The following THSD7B variants were observed in gnomAD, a reference collection of about 807,000 sequenced individuals.
THSD7B encodes thrombospondin type-1 domain-containing protein 7B.
THSD7B carries 138 observed loss-of-function variants against 213.6 expected under a neutral mutation model. The ratio of observed to expected loss-of-function variants is 0.65; its 90% CI spans 0.56 to 0.74. The LOEUF is 0.74. Ranked by LOEUF, THSD7B falls within the 30% of genes least tolerant of loss-of-function variation. The pLI is 0.00. For synonymous variants in THSD7B, 742 were observed against 687.0 expected (o/e 1.08, Z -1.25); for missense variants, 1,931 against 1,991.5 (o/e 0.97, Z 0.58).
chr2:137,119,915 C>A (rs188813621), intron 5 of THSD7B, among the ~76,000 whole-genome samples: 1 of 152,170 alleles, frequency 6.6e-6, no homozygotes, highest in Admixed American at 6.5e-5. Flanking sequence ...GATATTCCAC[C>A]ATCATTTGAA....
chr2:136,997,518 GT>G (rs1685916102), intron 2 of THSD7B, among the ~76,000 whole-genome samples: 1 of 152,176 alleles, frequency 6.6e-6, no homozygotes, highest in Admixed American at 6.5e-5. Flanking sequence ...ACCTTCCTCT[GT>G]TGATGCTTAA....
chr2:137,452,209 G>A (rs1687666050), intron 15 of THSD7B, among the ~76,000 whole-genome samples: 1 of 151,922 alleles, frequency 6.6e-6, no homozygotes, highest in Admixed American at 6.6e-5. Flanking sequence ...TTAAGGTTAT[G>A]TGGTAAAATA....
chr2:136,828,292 A>G (rs1248042887), intron 1 of THSD7B, among the ~76,000 whole-genome samples: 1 of 152,066 alleles, frequency 6.6e-6, no homozygotes, highest in Non-Finnish European at 1.5e-5. Flanking sequence ...TCCTTCTGTT[A>G]TACAAATCAG....
intron 5 of THSD7B, among the ~76,000 whole-genome samples, chr2:137,134,439 C>G (rs1573844586): frequency 6.6e-6 from 1 of 152,262 alleles, no homozygotes; most frequent in East Asian, 1.9e-4. Context: ...GAAAGGGGTA[C>G]TCTGTGCACA....
intron 17 of THSD7B, among the ~76,000 whole-genome samples, chr2:137,593,148 T>G (rs908424144): frequency 1.3e-5 from 2 of 151,980 alleles, no homozygotes; most frequent in African/African-American, 4.8e-5. Context: ...GATTATAGCA[T>G]CATTTATTTA....
chr2:136,926,495 C>A (rs1684527567), intron 2 of THSD7B, among the ~76,000 whole-genome samples: 1 of 151,986 alleles, frequency 6.6e-6, no homozygotes, highest in Admixed American at 6.6e-5. Flanking sequence ...GATTTTGAGA[C>A]CAGTCTGGGC....
intron 2 of THSD7B, among the ~76,000 whole-genome samples, chr2:136,944,746 A>C (rs1684901829): frequency 7.4e-6 from 1 of 134,484 alleles, no homozygotes; most frequent in South Asian, 2.3e-4. Flanking sequence ...TGCTTGGTAG[A>C]TCTTCCTCCA....
chr2:137,053,227 A>G (rs1188209750), intron 2 of THSD7B, among the ~76,000 whole-genome samples: 1 of 152,196 alleles, frequency 6.6e-6, no homozygotes, highest in Non-Finnish European at 1.5e-5. Flanking sequence ...AATATAGCTT[A>G]ATATTCCTTT....
At chr2:137,459,178 A>C (rs1687830397) in intron 15 of THSD7B, among the ~76,000 whole-genome samples, 1 of 152,146 alleles carries the variant, frequency 6.6e-6, no homozygotes, top group Non-Finnish European at 1.5e-5. Flanking sequence ...AAATCTAAAA[A>C]AGAAATTTCC....
chr2:137,526,107 C>G (rs1301958580), intron 15 of THSD7B, among the ~76,000 whole-genome samples: 1 of 152,188 alleles, frequency 6.6e-6, no homozygotes, highest in East Asian at 1.9e-4. Context: ...TTTTACTACT[C>G]TTACTGCTTG....
At chr2:137,092,651 G>GT (rs1558917796) in intron 3 of THSD7B, among the ~76,000 whole-genome samples, 1 of 151,444 alleles carries the variant, frequency 6.6e-6, no homozygotes, top group Non-Finnish European at 1.5e-5. Context: ...TTCTTTTTTT[G>GT]TTTTTTTGAG....
rs1417806770 is a variant in THSD7B, at chr2:137,176,371, A to AT, written c.1723+5439dup. On this transcript the variant is annotated intron_variant, in intron 7 of 27. Coordinates refer to ENST00000409968, the MANE Select transcript of THSD7B (RefSeq NM_001316349.2). ...TTTCTTTTTTAAGAAAGTAACTATC[A>AT]TTTTTTCTTATGCTATCAATTTTTT... Among the ~76,000 whole-genome samples, 3 of 152,222 alleles carry AT rather than the reference A, an allele frequency of 2.0e-5. No individual in the cohort carries two copies. In the East Asian group the frequency reaches 5.8e-4, roughly 29 times the overall value.
intron 12 of THSD7B, among the ~76,000 whole-genome samples, chr2:137,284,842 G>T (rs1683127809): frequency 6.6e-6 from 1 of 152,024 alleles, no homozygotes; most frequent in Non-Finnish European, 1.5e-5. Flanking sequence ...TTTTGGAATA[G>T]GTGTGGTGTG....
intron 2 of THSD7B, among the ~76,000 whole-genome samples, chr2:136,968,989 T>C (rs1254555392): frequency 1.3e-5 from 2 of 152,116 alleles, no homozygotes; most frequent in African/African-American, 4.8e-5. Context: ...GAAAACATCC[T>C]AACATTTTTA....
chr2:136,923,641 A>G (rs1419094569), intron 2 of THSD7B, among the ~76,000 whole-genome samples: 1 of 152,022 alleles, frequency 6.6e-6, no homozygotes, highest in Non-Finnish European at 1.5e-5. Context: ...TGTTTTTTAA[A>G]AGTTATTCTA....
chr2:137,063,236 A>T (rs774619678), intron 3 of THSD7B, among the ~76,000 whole-genome samples: 14 of 152,040 alleles, frequency 9.2e-5, no homozygotes, highest in African/African-American at 3.1e-4. Flanking sequence ...ATTCACTCTG[A>T]CAGTCTGTCT....
chr2:137,149,710 T>TG (rs1226029011), intron 5 of THSD7B, among the ~76,000 whole-genome samples: 1 of 152,226 alleles, frequency 6.6e-6, no homozygotes, highest in Non-Finnish European at 1.5e-5. Flanking sequence ...CAGACTTGCA[T>TG]GGGGCCTGTA....
intron 2 of THSD7B, among the ~76,000 whole-genome samples, chr2:136,939,620 C>G (rs904453773): frequency 7.2e-5 from 11 of 152,168 alleles, no homozygotes; most frequent in Non-Finnish European, 1.3e-4. Flanking sequence ...TTCCAAGAAG[C>G]CTTCTTTTCT....
At chr2:137,551,048 G>A (rs1680837699) in intron 15 of THSD7B, among the ~76,000 whole-genome samples, 1 of 151,444 alleles carries the variant, frequency 6.6e-6, no homozygotes, top group Non-Finnish European at 1.5e-5. Flanking sequence ...CCGAATCATT[G>A]AAGTAATCAA....
Sources: allele counts gnomAD v4.1 joint callset (sites outside exome capture counted in the v4.1 genomes callset), GRCh38; gene constraint gnomAD v4.1.1; transcripts MANE v1.5; gene names NCBI Gene and HGNC (gene_info 2026-07-23, HGNC 2026-07-21).